The following ENPP6 variants were observed in gnomAD, a reference collection of about 807,000 sequenced individuals.
ENPP6 encodes the protein ectonucleotide pyrophosphatase/phosphodiesterase 6.
ENPP6 carries 32 observed loss-of-function variants against 42.0 expected under a neutral mutation model. The ratio of observed to expected loss-of-function variants is 0.76; its 90% confidence interval spans 0.58 to 1.02. The LOEUF (loss-of-function observed/expected upper bound fraction) is 1.02, where lower values mean the gene tolerates loss of function less well. Among genes scored for constraint, ENPP6 ranks in the 50% least tolerant of loss-of-function variants. The pLI, the probability that ENPP6 is intolerant of heterozygous loss-of-function variation, is 0.00. For synonymous variants in ENPP6, 213 were observed against 216.0 expected, an observed-to-expected ratio of 0.99 and a Z score of 0.12; for missense variants, 552 against 566.8, an observed-to-expected ratio of 0.97 and a Z score of 0.27.
chr4:184,157,738 G>C (rs922150152), intron 1 of ENPP6, among the ~76,000 whole-genome samples: 1 of 151,052 alleles, frequency 6.6e-6, no homozygotes, highest in Non-Finnish European at 1.5e-5. Flanking sequence ...CTCCCAAGTA[G>C]CTGGGACCAC....
At chr4:184,095,693 T>C (rs527257458) in intron 7 of ENPP6, among the ~76,000 whole-genome samples, 1 of 151,168 alleles carries the variant, frequency 6.6e-6, no homozygotes, top group Non-Finnish European at 1.5e-5. Flanking sequence ...TATAGATATA[T>C]ATATTCCTGA....
At chr4:184,193,949 C>T (rs6832838) in intron 1 of ENPP6, among the ~76,000 whole-genome samples, 74,014 of 152,058 alleles carry the variant, frequency 0.49, 19,371 homozygotes, top group East Asian at 0.96. Flanking sequence ...AGAAGCTTTG[C>T]CTTTCCTTGA....
At chr4:184,091,541 G>A (rs915148518) in intron 7 of ENPP6, among the ~76,000 whole-genome samples, 159 bp from the exon 8 acceptor site, 1 of 152,134 alleles carries the variant, frequency 6.6e-6, no homozygotes, top group African/African-American at 2.4e-5. Context: ...GAACATAGAA[G>A]GGTATCCGGA....
At chr4:184,166,853 C>T (rs1273453559) in intron 1 of ENPP6, among the ~76,000 whole-genome samples, 2 of 152,254 alleles carry the variant, frequency 1.3e-5, no homozygotes, top group African/African-American at 4.8e-5. Context: ...ACTGTGCTCC[C>T]TCCTCTCCCC....
rs533412958 is a variant in ENPP6 at position 184,154,227 on chromosome 4, G to A, written c.242-494C>T. On this transcript the variant is annotated intron_variant, in intron 1 of 7. Coordinates refer to ENST00000296741, the MANE Select transcript of ENPP6 (RefSeq NM_153343.4). ...ACAGTGATAAAACCTATGACGTTTG[G>A]AACAGAATAGCGAAAAATAGATTCA... is the stretch of plus-strand genomic sequence containing the variant. Among the ~76,000 whole-genome samples, 5 of 152,238 alleles carry A rather than the reference G, an allele frequency of 3.3e-5. No individual in the cohort carries two copies. In the South Asian group the frequency reaches 1.0e-3, roughly 32 times the overall value.
At position 184,201,414 on chromosome 4, in the gene ENPP6, C is replaced by CG. The variant is rs549209983; in HGVS notation, c.241+16164dup. On this transcript the variant is annotated intron_variant, in intron 1 of 7. Coordinates refer to ENST00000296741, the MANE Select transcript of ENPP6 (RefSeq NM_153343.4). ...CAACATTGGGGTGAGGGAGGCGGGGCGGGGGGGTGTTGTGAGATCGCCATG... is the reference window on the plus strand; with the variant it reads ...CAACATTGGGGTGAGGGAGGCGGGGCGGGGGGGGTGTTGTGAGATCGCCATG... 7.4e-4 allele frequency among the ~76,000 whole-genome samples: 112 copies of CG among 151,966 alleles called. 1 individual carries two copies. In the East Asian group the frequency reaches 0.011, roughly 15 times the overall value.
At chr4:184,211,919 C>T (rs1473203417) in intron 1 of ENPP6, among the ~76,000 whole-genome samples, 1 of 149,324 alleles carries the variant, frequency 6.7e-6, no homozygotes, top group African/African-American at 2.5e-5. Context: ...CCCTGGGATG[C>T]AAGGCTGGTT....
intron 1 of ENPP6, among the ~76,000 whole-genome samples, chr4:184,164,120 A>G (rs1424663215): frequency 6.6e-6 from 1 of 152,224 alleles, no homozygotes; most frequent in Non-Finnish European, 1.5e-5. Flanking sequence ...AGTTTGGGTC[A>G]GGGTCTTCTC....
chr4:184,103,041 G>T (rs778590665), intron 6 of ENPP6, among the ~76,000 whole-genome samples: 2 of 152,212 alleles, frequency 1.3e-5, no homozygotes, highest in Non-Finnish European at 1.5e-5. Context: ...CCTTTGTGTG[G>T]CACTGGGCAA....
intron 2 of ENPP6, among the ~76,000 whole-genome samples, chr4:184,131,209 T>TTTC (rs1231103227): frequency 3.1e-5 from 3 of 97,934 alleles, no homozygotes; most frequent in Admixed American, 2.0e-4. Context: ...TTCTTCTTTC[T>TTTC]TTCTTTCTTT....
chr4:184,092,151 C>T lies in ENPP6; in HGVS notation c.1118-769G>A, dbSNP rs111418197. On this transcript the variant is annotated intron_variant, in intron 7 of 7. Transcript: ENST00000296741. ...GAGTGCCAGCGTCTACTGCAGAGGCCGCACGGCAACTCAAGAATGTTTTCT... is the reference window on the plus strand; with the variant it reads ...GAGTGCCAGCGTCTACTGCAGAGGCTGCACGGCAACTCAAGAATGTTTTCT... Among the ~76,000 whole-genome samples the T allele has an allele frequency of 8.7e-3, 1,330 of 152,026 alleles. 26 individuals carry two copies. The highest frequency in any genetic ancestry group is 0.031 in the African/African-American group (1,270 of 41,474).
At chr4:184,182,787 T>TA (rs1293701237) in intron 1 of ENPP6, among the ~76,000 whole-genome samples, 1 of 152,152 alleles carries the variant, frequency 6.6e-6, no homozygotes, top group Non-Finnish European at 1.5e-5. Context: ...TGTTCTCACT[T>TA]ACAAGTGGGA....
At position 184,088,769 on chromosome 4, in the gene ENPP6, C is replaced by T. The variant is rs1015810722; in HGVS notation, c.*2408G>A. On this transcript the variant is annotated 3_prime_UTR_variant, in exon 8 of 8. Coordinates refer to ENST00000296741, the MANE Select transcript of ENPP6 (RefSeq NM_153343.4). ...GTGTCTGAATCTTCTTTATTGTTTA[C>T]CAGGATTCATGATTCCTTTTGTAAC... is the stretch of plus-strand genomic sequence containing the variant. 1 of 152,126 alleles carries T rather than the reference C, an allele frequency of 6.6e-6. No individual in the cohort carries two copies. The highest frequency in any genetic ancestry group is 2.4e-5 in the African/African-American group (1 of 41,418). The allele number at this position is 152,126 out of a possible 1,614,324, so 9.4% of individuals were successfully genotyped here. A position where few individuals can be genotyped will look rare whatever the true frequency, so the allele number is the denominator to read the frequency against.
chr4:184,134,941 G>A (rs1736708738), intron 2 of ENPP6, among the ~76,000 whole-genome samples: 1 of 151,306 alleles, frequency 6.6e-6, no homozygotes, highest in African/African-American at 2.4e-5. Context: ...ATTTTTCTAA[G>A]TTTTCACAAT....
In ENPP6 at chr4:184,124,217, ATTT is replaced by A; in HGVS notation, c.474_476del (p.Lys158del). The A allele has an allele frequency of 6.2e-7, 1 of 1,614,130 alleles. No homozygotes were observed. The highest frequency in any genetic ancestry group is 1.1e-5 in the South Asian group (1 of 91,074). ...TGGCAAAATTGATATCCGTTGGGAC[ATTT>A]TTATATTCTAGGCAGTAGGTGGGTC... On this transcript the variant is annotated inframe_deletion, in exon 3 of 8. Transcript: ENST00000296741.
intron 7 of ENPP6, among the ~76,000 whole-genome samples, chr4:184,096,472 G>T (rs759969518): frequency 6.6e-6 from 1 of 152,186 alleles, no homozygotes; most frequent in Non-Finnish European, 1.5e-5. Context: ...GATGGTTGAT[G>T]GCTGTTGGAT....
chr4:184,202,138 G>A (rs1258713922), intron 1 of ENPP6, among the ~76,000 whole-genome samples: 1 of 152,172 alleles, frequency 6.6e-6, no homozygotes, highest in East Asian at 1.9e-4. Context: ...AAGGGCTAAT[G>A]CCAAGTGAAT....
intron 1 of ENPP6, among the ~76,000 whole-genome samples, chr4:184,172,886 G>A (rs73007872): frequency 6.6e-6 from 1 of 152,128 alleles, no homozygotes; most frequent in East Asian, 1.9e-4. Context: ...GCAACAGAAC[G>A]ATATTTATCC....
chr4:184,217,860 G>T lies in ENPP6; in HGVS notation c.-41C>A. 1 of 1,597,674 alleles carries T rather than the reference G, an allele frequency of 6.3e-7. No individual in the cohort carries two copies. On this transcript the variant is annotated 5_prime_UTR_variant, in exon 1 of 8. Coordinates refer to ENST00000296741, the MANE Select transcript of ENPP6 (RefSeq NM_153343.4). ...CCAGAGCCCGGCTGGCACAGCTGTCGCCTTGCAAAGACTGAGGATGGAGAA... is the reference window on the plus strand; with the variant it reads ...CCAGAGCCCGGCTGGCACAGCTGTCTCCTTGCAAAGACTGAGGATGGAGAA...
Sources: allele counts gnomAD v4.1 joint callset (sites outside exome capture counted in the v4.1 genomes callset), GRCh38; gene constraint gnomAD v4.1.1; transcripts MANE v1.5; gene names NCBI Gene and HGNC (gene_info 2026-07-23, HGNC 2026-07-21).